The following FHIT variants were observed in gnomAD, a reference collection of about 807,000 sequenced individuals.
FHIT encodes the protein bis(5'-adenosyl)-triphosphatase.
Under a neutral mutation model 17.9 loss-of-function variants are expected in FHIT, and 19 were observed. The observed-to-expected ratio is 1.06, with a 90% CI of 0.74 to 1.56. The LOEUF (loss-of-function observed/expected upper bound fraction) is 1.56, where lower values mean the gene tolerates loss of function less well. Among genes scored for constraint, FHIT ranks in the 40% most tolerant of loss-of-function variants. FHIT has a pLI of 0.00. For missense variants in FHIT, 248 were observed against 189.2 expected, an observed-to-expected ratio of 1.31 and a Z score of -1.82; for synonymous variants, 81 against 69.7, an observed-to-expected ratio of 1.16 and a Z score of -0.81.
intron 4 of FHIT, among the ~76,000 whole-genome samples, chr3:60,562,702 A>G (rs538760574): frequency 6.6e-6 from 1 of 152,292 alleles, no homozygotes; most frequent in East Asian, 1.9e-4. Flanking sequence ...GATGTAATTG[A>G]TCAAAATCTG....
intron 5 of FHIT, among the ~76,000 whole-genome samples, chr3:60,122,589 G>A (rs574366872): frequency 1.3e-5 from 2 of 152,226 alleles, no homozygotes; most frequent in East Asian, 3.9e-4. Flanking sequence ...GGAAAAAGCA[G>A]CCCCTCCTGA....
At chr3:60,757,778 A>C (rs1559698868) in intron 4 of FHIT, among the ~76,000 whole-genome samples, 1 of 152,228 alleles carries the variant, frequency 6.6e-6, no homozygotes, top group Non-Finnish European at 1.5e-5. Context: ...TTCAGTCTTC[A>C]ACAAGGGAAC....
rs181659914 is a variant in FHIT at position 60,414,608 on chromosome 3, A to G, written c.103+122252T>C. ...AGAACCAACTCTAAAATCAAACAAT[A>G]TTTTTTACAAAGCATTGCTATATTA... is the stretch of plus-strand genomic sequence containing the variant. On this transcript the variant is annotated intron_variant, in intron 5 of 9. Transcript: ENST00000492590. Among the ~76,000 whole-genome samples the G allele has an allele frequency of 3.9e-5, 6 of 152,262 alleles. No homozygotes were observed. In the East Asian group the frequency reaches 1.2e-3, roughly 29 times the overall value.
intron 5 of FHIT, among the ~76,000 whole-genome samples, chr3:60,534,627 T>TC (rs2035916822): frequency 6.6e-6 from 1 of 152,114 alleles, no homozygotes; most frequent in Non-Finnish European, 1.5e-5. Context: ...TATAATGATT[T>TC]TAAAAAAGCT....
At chr3:60,030,789 G>C (rs1052295290) in intron 5 of FHIT, among the ~76,000 whole-genome samples, 3 of 151,928 alleles carry the variant, frequency 2.0e-5, no homozygotes, top group African/African-American at 7.3e-5. Context: ...AAATGTCTAA[G>C]GGAATGACTA....
chr3:60,932,730 C>G (rs1708021659), intron 3 of FHIT, among the ~76,000 whole-genome samples: 1 of 152,198 alleles, frequency 6.6e-6, no homozygotes, highest in Non-Finnish European at 1.5e-5. Context: ...AATCTACCCA[C>G]ACCTCTGTCA....
intron 4 of FHIT, among the ~76,000 whole-genome samples, chr3:60,711,785 A>G (rs1226042572): frequency 6.6e-6 from 1 of 152,244 alleles, no homozygotes; most frequent in Non-Finnish European, 1.5e-5. Context: ...TGAAAAGACC[A>G]AATCTGCATG....
At chr3:59,906,722 T>C (rs576001064) in intron 8 of FHIT, among the ~76,000 whole-genome samples, 1 of 152,370 alleles carries the variant, frequency 6.6e-6, no homozygotes, top group African/African-American at 2.4e-5. Flanking sequence ...CTTCACATAG[T>C]CTTTCCTTCT....
intron 8 of FHIT, among the ~76,000 whole-genome samples, chr3:59,828,390 T>C (rs574544268): frequency 5.9e-5 from 9 of 152,318 alleles, no homozygotes; most frequent in Admixed American, 3.3e-4. Flanking sequence ...AAGAAATCAA[T>C]ATAATTTTGG....
intron 4 of FHIT, among the ~76,000 whole-genome samples, chr3:60,631,139 C>T (rs1474647333): frequency 6.6e-6 from 1 of 152,046 alleles, no homozygotes; most frequent in Non-Finnish European, 1.5e-5. Flanking sequence ...ATGCTTAATG[C>T]TATTCTTGGT....
At chr3:60,110,218 G>C (rs1704612014) in intron 5 of FHIT, among the ~76,000 whole-genome samples, 1 of 152,060 alleles carries the variant, frequency 6.6e-6, no homozygotes, top group Non-Finnish European at 1.5e-5. Context: ...GGAATTTTTG[G>C]GTTAAGCATC....
chr3:61,098,611 T>C (rs2035717654), intron 2 of FHIT, among the ~76,000 whole-genome samples: 1 of 152,224 alleles, frequency 6.6e-6, no homozygotes, highest in Admixed American at 6.5e-5. Context: ...TTTGTCTGTG[T>C]CATCTCTGAT....
chr3:60,126,173 G>A (rs777444738), intron 5 of FHIT, among the ~76,000 whole-genome samples: 1 of 152,128 alleles, frequency 6.6e-6, no homozygotes, highest in Non-Finnish European at 1.5e-5. Context: ...AAAGTACTCT[G>A]TTTTCCCAAA....
chr3:60,034,403 TTTAA>T lies in FHIT; in HGVS notation c.104-20255_104-20252del, dbSNP rs148310430. On this transcript the variant is annotated intron_variant, in intron 5 of 9. Transcript: ENST00000492590. The stretch of plus-strand genomic sequence containing the variant: ...GTAGGAGACTAAAACGTCACAGGAA[TTTAA>T]TTATCTGTAGGCAAGAAGATGATAT... Among the ~76,000 whole-genome samples, 513 of 152,322 alleles carry T rather than the reference TTTAA, an allele frequency of 3.4e-3. 2 individuals are homozygous for T. The highest frequency in any genetic ancestry group is 0.011 in the African/African-American group (472 of 41,576).
intron 2 of FHIT, among the ~76,000 whole-genome samples, chr3:61,196,230 T>C (rs1366434358): frequency 6.6e-6 from 1 of 152,082 alleles, no homozygotes; most frequent in Non-Finnish European, 1.5e-5. Context: ...CAGAGAGAGG[T>C]AGAAAGAAGG....
At chr3:60,267,752 A>G (rs898403072) in intron 5 of FHIT, among the ~76,000 whole-genome samples, 3 of 152,170 alleles carry the variant, frequency 2.0e-5, no homozygotes, top group Admixed American at 2.0e-4. Context: ...TCTAGGACTG[A>G]TCCTAACAAA....
intron 3 of FHIT, among the ~76,000 whole-genome samples, chr3:60,906,049 G>A (rs987929291): frequency 6.6e-6 from 1 of 151,978 alleles, no homozygotes; most frequent in African/African-American, 2.4e-5. Flanking sequence ...GGACATAAAT[G>A]GATCTAATGA....
At chr3:59,952,648 G>T (rs1321489733) in intron 7 of FHIT, among the ~76,000 whole-genome samples, 2 of 152,152 alleles carry the variant, frequency 1.3e-5, no homozygotes, top group Non-Finnish European at 2.9e-5. Flanking sequence ...TAGCCAGTAA[G>T]GGGGAAAACA....
At chr3:60,396,503 A>C (rs1701446828) in intron 5 of FHIT, among the ~76,000 whole-genome samples, 1 of 152,194 alleles carries the variant, frequency 6.6e-6, no homozygotes, top group Non-Finnish European at 1.5e-5. Context: ...AAATGAACAG[A>C]AGATTAAATC....
Sources: allele counts gnomAD v4.1 joint callset (sites outside exome capture counted in the v4.1 genomes callset), GRCh38; gene constraint gnomAD v4.1.1; transcripts MANE v1.5; gene names NCBI Gene and HGNC (gene_info 2026-07-23, HGNC 2026-07-21).